Variants in CNTN5 observed in about 807,000 individuals in gnomAD.
The protein encoded by CNTN5 is contactin 5, also known as contactin-5.
CNTN5 carries 77 observed loss-of-function variants against 129.1 expected under a neutral mutation model. The ratio of observed to expected loss-of-function variants is 0.60; its 90% CI spans 0.50 to 0.72. CNTN5 has a LOEUF of 0.72. CNTN5 is among the 30% of genes least tolerant of loss of function. The pLI is 0.00. For missense variants in CNTN5, 1,478 were observed against 1,328.8 expected (o/e 1.11, Z -1.75); for synonymous variants, 509 against 465.6 (o/e 1.09, Z -1.20).
chr11:99,988,758 A>G lies in CNTN5; in HGVS notation c.878-13276A>G, dbSNP rs149716705. ...AATTCCCCACCAGTGTGGCTGAGCT[A>G]TTACATGTAGCTTTTCCACTCTTCA... On this transcript the variant is annotated intron_variant, in intron 8 of 24. Coordinates refer to ENST00000524871, the MANE Select transcript of CNTN5 (RefSeq NM_014361.4). Among the ~76,000 whole-genome samples the G allele has an allele frequency of 9.9e-4, 150 of 152,180 alleles. 2 individuals are homozygous for G. The highest frequency in any genetic ancestry group is 3.3e-3 in the African/African-American group (137 of 41,520).
At chr11:99,134,215 A>G (rs1471704174) in intron 1 of CNTN5, among the ~76,000 whole-genome samples, 2 of 152,138 alleles carry the variant, frequency 1.3e-5, no homozygotes, top group African/African-American at 4.8e-5. Flanking sequence ...GAACAAATGG[A>G]CACAGGCAGG....
At chr11:100,155,942 A>T (rs565977268) in intron 13 of CNTN5, among the ~76,000 whole-genome samples, 8 of 152,126 alleles carry the variant, frequency 5.3e-5, no homozygotes, top group Non-Finnish European at 1.2e-4. Context: ...TAATCTTGTC[A>T]TCTGCAAACA....
At chr11:99,691,614 C>G (rs1954042434) in intron 3 of CNTN5, among the ~76,000 whole-genome samples, 1 of 152,076 alleles carries the variant, frequency 6.6e-6, no homozygotes, top group Non-Finnish European at 1.5e-5. Flanking sequence ...GTCTAAGCAA[C>G]TGTTTGTTAT....
chr11:99,509,850 T>C (rs1367455765), intron 2 of CNTN5, among the ~76,000 whole-genome samples: 2 of 151,980 alleles, frequency 1.3e-5, no homozygotes, highest in Non-Finnish European at 2.9e-5. Flanking sequence ...CTACATAGTA[T>C]GAAAAATTCA....
chr11:100,311,467 G>T (rs941154329), intron 21 of CNTN5, among the ~76,000 whole-genome samples: 1 of 151,750 alleles, frequency 6.6e-6, no homozygotes, highest in African/African-American at 2.4e-5. Context: ...GAAGACTGGG[G>T]ATGGAACTAT....
At chr11:99,063,282 G>A (rs761250764) in intron 1 of CNTN5, among the ~76,000 whole-genome samples, 4 of 152,154 alleles carry the variant, frequency 2.6e-5, no homozygotes, top group Non-Finnish European at 4.4e-5. Flanking sequence ...CTTTCAGCTG[G>A]CAAGAGATTT....
chr11:99,283,528 C>T (rs984208563), intron 1 of CNTN5, among the ~76,000 whole-genome samples: 2 of 151,932 alleles, frequency 1.3e-5, no homozygotes, highest in East Asian at 3.9e-4. Flanking sequence ...TCATTCAGTC[C>T]ACTTTTATTT....
At chr11:99,409,771 T>A (rs188266251) in intron 2 of CNTN5, among the ~76,000 whole-genome samples, 31 of 152,364 alleles carry the variant, frequency 2.0e-4, no homozygotes, top group African/African-American at 7.0e-4. Flanking sequence ...TGCATTTTAC[T>A]AGTATGGCAA....
intron 2 of CNTN5, among the ~76,000 whole-genome samples, chr11:99,329,104 G>A (rs547392156): frequency 1.2e-4 from 19 of 152,202 alleles, no homozygotes; most frequent in Middle Eastern, 3.4e-3. Flanking sequence ...CTATCCATAG[G>A]AAATATGTTG....
intron 13 of CNTN5, among the ~76,000 whole-genome samples, chr11:100,153,777 A>C (rs549325596): frequency 6.6e-6 from 1 of 152,024 alleles, no homozygotes; most frequent in South Asian, 2.1e-4. Context: ...GCTAACAAAT[A>C]ATTTGATGAC....
chr11:99,396,826 ATGGATTAAAT>A (rs1284444881), intron 2 of CNTN5, among the ~76,000 whole-genome samples: 1 of 151,718 alleles, frequency 6.6e-6, no homozygotes, highest in East Asian at 1.9e-4. Context: ...ACACTTTCAA[ATGGATTAAAT>A]TCCTGGTTGA....
chr11:99,729,617 G>C (rs1028003), intron 3 of CNTN5, among the ~76,000 whole-genome samples: 94,504 of 151,580 alleles, frequency 0.62, 30,096 homozygotes, highest in East Asian at 0.84. Context: ...AATGGTAGAA[G>C]TAATTCACAG....
At chr11:99,964,613 A>C (rs985367356) in intron 8 of CNTN5, among the ~76,000 whole-genome samples, 2 of 150,498 alleles carry the variant, frequency 1.3e-5, no homozygotes, top group African/African-American at 4.8e-5. Flanking sequence ...TTTGGTCTAA[A>C]ATTCTCTTTT....
At chr11:99,621,557 T>C (rs936667350) in intron 3 of CNTN5, among the ~76,000 whole-genome samples, 1 of 151,392 alleles carries the variant, frequency 6.6e-6, no homozygotes, top group African/African-American at 2.4e-5. Context: ...AAATATTTGC[T>C]TGCGATATTT....
intron 17 of CNTN5, among the ~76,000 whole-genome samples, chr11:100,265,818 C>T (rs1284743816): frequency 2.6e-5 from 4 of 152,126 alleles, no homozygotes; most frequent in Non-Finnish European, 5.9e-5. Flanking sequence ...CATAACATCT[C>T]ACTTGCAGAC....
At chr11:100,033,061 T>C (rs2137625189) in intron 9 of CNTN5, among the ~76,000 whole-genome samples, 1 of 152,314 alleles carries the variant, frequency 6.6e-6, no homozygotes, top group South Asian at 2.1e-4. Flanking sequence ...GGTCACAAAC[T>C]TTGTGGTATT....
chr11:99,838,460 T>C (rs1947374021), intron 4 of CNTN5, among the ~76,000 whole-genome samples: 1 of 152,216 alleles, frequency 6.6e-6, no homozygotes, highest in Non-Finnish European at 1.5e-5. Flanking sequence ...AAATGGTTTA[T>C]TAGTTACCTA....
intron 23 of CNTN5, among the ~76,000 whole-genome samples, chr11:100,344,800 AT>A (rs1952243529): frequency 6.6e-6 from 1 of 152,118 alleles, no homozygotes; most frequent in South Asian, 2.1e-4. Flanking sequence ...TAAAAAGTAA[AT>A]GATATAAAGG....
intron 17 of CNTN5, among the ~76,000 whole-genome samples, chr11:100,259,400 T>G (rs1194063871): frequency 6.6e-6 from 1 of 151,858 alleles, no homozygotes; most frequent in Non-Finnish European, 1.5e-5. Flanking sequence ...GACAGAGAAT[T>G]AACAAGGATA....
Sources: allele counts gnomAD v4.1 joint callset (sites outside exome capture counted in the v4.1 genomes callset), GRCh38; gene constraint gnomAD v4.1.1; transcripts MANE v1.5; gene names NCBI Gene and HGNC (gene_info 2026-07-23, HGNC 2026-07-21).